The following EYS variants were observed in gnomAD, a reference collection of about 807,000 sequenced individuals.
The protein encoded by EYS is protein eyes shut homolog.
In EYS, 250 loss-of-function variants were observed where a neutral mutation model predicts 282.1. That is an observed-to-expected ratio of 0.89 (90% CI 0.80 to 0.98). EYS has a LOEUF of 0.98. Among genes scored for constraint, EYS ranks in the 50% least tolerant of loss-of-function variants. The probability of loss-of-function intolerance (pLI) is 0.00; values close to 1 mark genes in which losing one functional copy is unlikely to be tolerated. For missense variants in EYS, 4,016 were observed against 3,709.0 expected, an observed-to-expected ratio of 1.08 and a Z score of -2.15; for synonymous variants, 1,355 against 1,282.9, an observed-to-expected ratio of 1.06 and a Z score of -1.20.
intron 31 of EYS, among the ~76,000 whole-genome samples, chr6:64,168,639 C>T (rs1457443390): frequency 2.0e-5 from 3 of 151,972 alleles, no homozygotes; most frequent in Non-Finnish European, 2.9e-5. Flanking sequence ...ATAAAACAAG[C>T]CAGATATGAA....
intron 24 of EYS, among the ~76,000 whole-genome samples, chr6:64,616,932 C>A (rs146085985): frequency 6.6e-5 from 10 of 152,012 alleles, no homozygotes; most frequent in Admixed American, 5.9e-4. Context: ...TTAATAGAGA[C>A]ATTTTTACCA....
chr6:64,369,782 T>G (rs1434074322), intron 29 of EYS, among the ~76,000 whole-genome samples: 1 of 152,054 alleles, frequency 6.6e-6, no homozygotes, highest in African/African-American at 2.4e-5. Flanking sequence ...TTTTATTCTT[T>G]TTGTGGCTAT....
At chr6:65,618,566 C>G (rs1414823442) in intron 2 of EYS, among the ~76,000 whole-genome samples, 1 of 152,172 alleles carries the variant, frequency 6.6e-6, no homozygotes, top group Non-Finnish European at 1.5e-5. Flanking sequence ...AATTAGATCC[C>G]ATTTGTCAAT....
At chr6:65,401,953 C>T (rs968056492) in intron 7 of EYS, among the ~76,000 whole-genome samples, 2 of 151,680 alleles carry the variant, frequency 1.3e-5, no homozygotes, top group African/African-American at 2.4e-5. Context: ...AATTATACAC[C>T]CAGATTCTTG....
chr6:63,984,243 C>T (rs1422498666), intron 35 of EYS, 140 bp downstream of exon 35: 1 of 644,066 alleles, frequency 1.6e-6, no homozygotes, highest in African/African-American at 1.8e-5. Context: ...ATGTGTGCAT[C>T]ATTTAGGTGA....
At chr6:65,676,351 A>G (rs899312741) in intron 1 of EYS, among the ~76,000 whole-genome samples, 1 of 151,756 alleles carries the variant, frequency 6.6e-6, no homozygotes, top group Non-Finnish European at 1.5e-5. Context: ...AAAAAGAGAG[A>G]GTATTGAAAT....
At chr6:65,450,209 G>A (rs9363363) in intron 5 of EYS, among the ~76,000 whole-genome samples, 28,158 of 151,992 alleles carry the variant, frequency 0.19, 3,255 homozygotes, top group Middle Eastern at 0.3. Flanking sequence ...CATTTCTTCA[G>A]ATACAACACA....
intron 15 of EYS, among the ~76,000 whole-genome samples, chr6:64,943,741 A>G (rs1188255767): frequency 6.6e-6 from 1 of 152,150 alleles, no homozygotes; most frequent in East Asian, 1.9e-4. Context: ...CCCCGTGTTC[A>G]TGGCTTGGAA....
chr6:64,207,028 T>C (rs1765629304), intron 31 of EYS, among the ~76,000 whole-genome samples: 1 of 152,130 alleles, frequency 6.6e-6, no homozygotes, highest in Admixed American at 6.5e-5. Context: ...TATGTGTCCA[T>C]GTGTCCTCAT....
intron 14 of EYS, among the ~76,000 whole-genome samples, chr6:64,973,009 A>G (rs1770349356): frequency 6.6e-6 from 1 of 152,076 alleles, no homozygotes; most frequent in Non-Finnish European, 1.5e-5. Flanking sequence ...ATTTTTCAAT[A>G]TCTCCACTAT....
chr6:63,831,138 C>T (rs1283817969), intron 36 of EYS, among the ~76,000 whole-genome samples: 2 of 152,188 alleles, frequency 1.3e-5, no homozygotes, highest in Non-Finnish European at 2.9e-5. Context: ...ACCATTGATG[C>T]TAAGAAGAAA....
chr6:63,810,076 CT>C (rs1373674746), intron 36 of EYS, among the ~76,000 whole-genome samples: 2 of 140,822 alleles, frequency 1.4e-5, no homozygotes, highest in Admixed American at 7.2e-5. Context: ...CCCGCCTCTA[CT>C]TTAAAAAAAA....
intron 12 of EYS, among the ~76,000 whole-genome samples, chr6:65,240,713 T>C (rs1029556201): frequency 3.9e-5 from 6 of 152,216 alleles, no homozygotes; most frequent in Non-Finnish European, 7.3e-5. Flanking sequence ...ATTCTATGTA[T>C]TTGTTGTTGT....
intron 12 of EYS, among the ~76,000 whole-genome samples, chr6:65,189,008 A>G (rs568109021): frequency 1.1e-4 from 17 of 151,772 alleles, no homozygotes; most frequent in Non-Finnish European, 1.9e-4. Flanking sequence ...AGGTAACCAT[A>G]TAAAATTAAT....
chr6:64,929,900 T>C (rs1768651790), intron 15 of EYS, among the ~76,000 whole-genome samples: 1 of 152,170 alleles, frequency 6.6e-6, no homozygotes, highest in Non-Finnish European at 1.5e-5. Flanking sequence ...TTTTTAACAC[T>C]GTGATTTCTG....
At chr6:64,445,658 T>C (rs1487126728) in intron 26 of EYS, among the ~76,000 whole-genome samples, 1 of 152,252 alleles carries the variant, frequency 6.6e-6, no homozygotes, top group Non-Finnish European at 1.5e-5. Flanking sequence ...TCCACTCTGA[T>C]ATTCACAGGC....
intron 31 of EYS, among the ~76,000 whole-genome samples, chr6:64,222,915 G>A (rs897333168): frequency 2.0e-5 from 3 of 151,876 alleles, no homozygotes; most frequent in African/African-American, 7.3e-5. Context: ...TTAAGTCCAA[G>A]AAAATTATCG....
chr6:64,643,122 C>CAAAAAAAA (rs1554188071), intron 22 of EYS, among the ~76,000 whole-genome samples: 1 of 146,734 alleles, frequency 6.8e-6, no homozygotes, highest in African/African-American at 2.5e-5. Context: ...TCCCCCCCCC[C>CAAAAAAAA]AAAAAAAAAC....
chr6:65,051,083 C>T (rs187427275), intron 13 of EYS, among the ~76,000 whole-genome samples: 17 of 151,620 alleles, frequency 1.1e-4, no homozygotes, highest in East Asian at 3.9e-4. Context: ...CTTGTCTATA[C>T]GTAGCTTTAG....
Sources: allele counts gnomAD v4.1 joint callset (sites outside exome capture counted in the v4.1 genomes callset), GRCh38; gene constraint gnomAD v4.1.1; transcripts MANE v1.5; gene names NCBI Gene and HGNC (gene_info 2026-07-23, HGNC 2026-07-21).